TMEM184B: variants seen among roughly 807,000 people sequenced by gnomAD.
The protein encoded by TMEM184B is transmembrane protein 184B.
In TMEM184B, 17 loss-of-function variants were observed where a neutral mutation model predicts 41.8. The ratio of observed to expected loss-of-function variants is 0.41; its 90% CI spans 0.28 to 0.61. The LOEUF is 0.61. TMEM184B is among the 20% of genes least tolerant of loss of function. The pLI, the probability that TMEM184B is intolerant of heterozygous loss-of-function variation, is 0.34. For synonymous variants in TMEM184B, 240 were observed against 229.5 expected, an observed-to-expected ratio of 1.05 and a Z score of -0.41; for missense variants, 393 against 557.8, an observed-to-expected ratio of 0.70 and a Z score of 2.98.
chr22:38,241,454 G>A (rs1488619118), intron 3 of TMEM184B, among the ~76,000 whole-genome samples: 4 of 150,886 alleles, frequency 2.7e-5, no homozygotes, highest in Admixed American at 6.6e-5. Flanking sequence ...TTGGGAGGTC[G>A]AGGCGCAAGG....
chr22:38,227,865 A>C (rs1349503116), intron 5 of TMEM184B, among the ~76,000 whole-genome samples: 1 of 152,116 alleles, frequency 6.6e-6, no homozygotes, highest in Non-Finnish European at 1.5e-5. Flanking sequence ...GGTTTTCCCG[A>C]TTCCCTACGG....
intron 3 of TMEM184B, among the ~76,000 whole-genome samples, chr22:38,243,498 C>T (rs1207921664): frequency 5.3e-5 from 8 of 152,168 alleles, no homozygotes; most frequent in African/African-American, 1.7e-4. Context: ...GGTACCCATG[C>T]GAGGCTGGCA....
chr22:38,221,194 A>G lies in TMEM184B; in HGVS notation c.*275T>C, dbSNP rs2091249573. ...GCTGGTCCCAGCATGCCCCCAGCACAGGACGGGCAGCAGGGGCATAAGCCT... is the reference window on the plus strand; with the variant it reads ...GCTGGTCCCAGCATGCCCCCAGCACGGGACGGGCAGCAGGGGCATAAGCCT... On this transcript the variant is annotated 3_prime_UTR_variant, in exon 9 of 9. Transcript: ENST00000361906. The G allele has an allele frequency of 1.5e-6, 2 of 1,299,054 alleles. No individual in the cohort carries two copies. Among genetic ancestry groups the G allele is most frequent in the African/African-American group, 3.0e-5 (2 of 66,136 alleles). 80.5% of individuals were successfully genotyped at this position (1,299,054 alleles called of 1,614,324 possible).
At chr22:38,235,751 C>G (rs1191159819) in intron 3 of TMEM184B, among the ~76,000 whole-genome samples, 2 of 152,228 alleles carry the variant, frequency 1.3e-5, no homozygotes, top group Non-Finnish European at 2.9e-5. Context: ...TGAAACACCA[C>G]CTCCAACATC....
intron 1 of TMEM184B, among the ~76,000 whole-genome samples, chr22:38,262,354 C>T (rs1182682270): frequency 3.3e-5 from 5 of 152,196 alleles, no homozygotes; most frequent in African/African-American, 1.2e-4. Flanking sequence ...GGTCAGAAGG[C>T]AGTGCAGAAG....
chr22:38,224,691 CGCACCTGT>C (rs752894636), intron 8 of TMEM184B, 86 bp downstream of exon 8: 4 of 1,321,654 alleles, frequency 3.0e-6, no homozygotes, highest in Non-Finnish European at 4.1e-6. Context: ...CTGACCCAGC[CGCACCTGT>C]AGGATGCTGG....
At chr22:38,227,517 C>T (rs977655891) in intron 5 of TMEM184B, among the ~76,000 whole-genome samples, 1 of 152,156 alleles carries the variant, frequency 6.6e-6, no homozygotes, top group Non-Finnish European at 1.5e-5. Context: ...TGTCCACCCC[C>T]GATCTGGTTC....
chr22:38,219,495 T>C lies in TMEM184B; in HGVS notation c.*1974A>G, dbSNP rs73884659. ...CAATTAATTTTTCAAGTATTCTTTA[T>C]GTACAAAGAGCTACTCTACCTGGAA... On this transcript the variant is annotated 3_prime_UTR_variant, in exon 9 of 9. Transcript: ENST00000361906. 4.2e-3 allele frequency: 4,109 copies of C among 985,354 alleles called. 19 individuals are homozygous for C. Among genetic ancestry groups the C allele is most frequent in the African/African-American group, 0.018 (1,035 of 57,192 alleles). The allele number at this position is 985,354 out of a possible 1,614,324, so 61.0% of individuals were successfully genotyped here.
At chr22:38,260,033 T>A (rs982363556) in intron 1 of TMEM184B, among the ~76,000 whole-genome samples, 2 of 139,152 alleles carry the variant, frequency 1.4e-5, no homozygotes, top group African/African-American at 5.4e-5. Flanking sequence ...AACCTCCGCC[T>A]CCCAGTAACT....
intron 1 of TMEM184B, among the ~76,000 whole-genome samples, chr22:38,264,113 G>A (rs901771600): frequency 7.2e-5 from 11 of 152,276 alleles, no homozygotes; most frequent in African/African-American, 2.6e-4. Flanking sequence ...CCAATACATA[G>A]TTTAAAGTTG....
intron 4 of TMEM184B, 48 bp downstream of exon 4, chr22:38,231,196 G>T: frequency 6.5e-7 from 1 of 1,532,256 alleles, no homozygotes; most frequent in Non-Finnish European, 9.0e-7. Context: ...GGTACACCAG[G>T]CCCAGGAAAC....
intron 8 of TMEM184B, 126 bp downstream of exon 8, chr22:38,224,659 T>A (rs2091373660): frequency 1.1e-6 from 1 of 938,070 alleles, no homozygotes; most frequent in African/African-American, 1.7e-5. Flanking sequence ...CATTCCTGCA[T>A]ATAGAGTGGG....
chr22:38,267,050 T>G (rs1233278210), intron 1 of TMEM184B, among the ~76,000 whole-genome samples: 1 of 150,382 alleles, frequency 6.6e-6, no homozygotes, highest in African/African-American at 2.5e-5. Context: ...ACCACTGCAC[T>G]GTCTGCCTGG....
intron 3 of TMEM184B, among the ~76,000 whole-genome samples, chr22:38,242,813 C>A (rs1048831611): frequency 1.3e-5 from 2 of 152,144 alleles, no homozygotes; most frequent in African/African-American, 4.8e-5. Flanking sequence ...TCTGTAATCC[C>A]ACCACTTTGG....
At chr22:38,237,508 C>T (rs2091805375) in intron 3 of TMEM184B, among the ~76,000 whole-genome samples, 1 of 152,250 alleles carries the variant, frequency 6.6e-6, no homozygotes, top group Non-Finnish European at 1.5e-5. Flanking sequence ...CATGGCCCAG[C>T]CTTCTGCTGC....
chr22:38,260,884 G>A (rs946867737), intron 1 of TMEM184B, among the ~76,000 whole-genome samples: 2 of 152,178 alleles, frequency 1.3e-5, no homozygotes, highest in African/African-American at 2.4e-5. Flanking sequence ...CTGCAGCCAC[G>A]AAGTGCTCAC....
At chr22:38,224,382 G>T (rs2091362272) in intron 8 of TMEM184B, among the ~76,000 whole-genome samples, 1 of 152,206 alleles carries the variant, frequency 6.6e-6, no homozygotes, top group African/African-American at 2.4e-5. Flanking sequence ...CCAAAGTGCT[G>T]GGATTATAGG....
chr22:38,266,514 T>TA (rs36112175), intron 1 of TMEM184B, among the ~76,000 whole-genome samples: 2 of 151,942 alleles, frequency 1.3e-5, no homozygotes, highest in Non-Finnish European at 2.9e-5. Flanking sequence ...GCCGTCCAGC[T>TA]AAAAAAAAGG....
chr22:38,245,886 C>A (rs928414412), intron 3 of TMEM184B, 49 bp downstream of exon 3: 3 of 1,146,446 alleles, frequency 2.6e-6, no homozygotes, highest in African/African-American at 1.5e-5. Context: ...CAGGGGCTCC[C>A]AGCCCCCCAG....
Sources: allele counts gnomAD v4.1 joint callset (sites outside exome capture counted in the v4.1 genomes callset), GRCh38; gene constraint gnomAD v4.1.1; transcripts MANE v1.5; gene names NCBI Gene and HGNC (gene_info 2026-07-23, HGNC 2026-07-21).